The following COX4I1 variants were observed in gnomAD, a reference collection of about 807,000 sequenced individuals.
The protein encoded by COX4I1 is cytochrome c oxidase subunit 4 isoform 1, mitochondrial.
COX4I1 carries 18 observed loss-of-function variants against 21.7 expected under a neutral mutation model. That is an observed-to-expected ratio of 0.83 (90% CI 0.57 to 1.23). The LOEUF is 1.23. COX4I1 is among the 50% of genes most tolerant of loss of function. The pLI is 0.00. For synonymous variants in COX4I1, 100 were observed against 81.5 expected (o/e 1.23, Z -1.23); for missense variants, 238 against 220.7 (o/e 1.08, Z -0.50).
intron 2 of COX4I1, chr16:85,803,376 C>T (rs980363554): frequency 6.6e-6 from 1 of 152,350 alleles, no homozygotes; most frequent in African/African-American, 2.4e-5. Context: ...ATACGACTTG[C>T]TTAAAGCTGA....
rs201890635 is a variant in COX4I1 at position 85,806,734 on chromosome 16, G to A, written c.374-4G>A. On this transcript the variant is annotated splice_polypyrimidine_tract_variant and splice_region_variant and intron_variant, in intron 4 of 4. Coordinates refer to ENST00000253452, the MANE Select transcript of COX4I1 (RefSeq NM_001861.6). ...CTTGCCCCATAACCTGTCTCACACC[G>A]TAGTGTACGGCCCCCTCCCGCAAAG... is the stretch of plus-strand genomic sequence containing the variant. 3.5e-5 allele frequency: 56 copies of A among 1,614,046 alleles called. No homozygotes were observed. The highest frequency in any genetic ancestry group is 6.6e-5 in the South Asian group (6 of 91,070).
chr16:85,806,640 G>A lies in COX4I1; in HGVS notation c.374-98G>A, dbSNP rs1196343172. ...GAGTGGCAGGTGGCTCTGCTGACCT[G>A]GTGGCTGGTGTGTCGGGAGGATTTA... On this transcript the variant is annotated intron_variant, in intron 4 of 4. Transcript: ENST00000253452. The A allele has an allele frequency of 8.8e-6, 14 of 1,596,222 alleles. No individual in the cohort carries two copies. The South Asian group carries it at 1.0e-4, about 11-fold the overall frequency.
At chr16:85,804,728 CTGG>C (rs1187825118) in intron 2 of COX4I1, 5 of 479,978 alleles carry the variant, frequency 1.0e-5, no homozygotes, top group African/African-American at 9.9e-5. Context: ...GCAGTTGCCC[CTGG>C]TGGGTTTTTG....
chr16:85,805,610 T>G, intron 3 of COX4I1, 123 bp from the exon 4 acceptor site: 1 of 1,429,872 alleles, frequency 7.0e-7, no homozygotes, highest in East Asian at 2.3e-5. Flanking sequence ...CCTGGGTTGG[T>G]GTATCCTTCA....
rs376218422 is a variant in COX4I1, at chr16:85,805,087, T to C, written c.224T>C (p.Met75Thr). The change falls in exon 3 of 5, where the codon ATG (methionine) becomes ACG (threonine). Residue 75 changes from methionine (M) to threonine (T), a missense_variant. Transcript: ENST00000253452. The stretch of plus-strand genomic sequence containing the variant: ...AAGGCCTCCTGGAGCAGCCTCTCCA[T>C]GGATGAGAAAGTCGAGTGTGGGTAT... ...KEKASWSSLS[M>T]DEKVELYRIK... 6.2e-7 allele frequency: 1 copy of C among 1,612,692 alleles called. No individual in the cohort carries two copies. The highest frequency in any genetic ancestry group is 1.3e-5 in the African/African-American group (1 of 74,936).
rs745400280 is a variant in COX4I1 at position 85,804,980 on chromosome 16, G to A, written c.117G>A (p.Met39Ile). 3.7e-6 allele frequency: 6 copies of A among 1,614,084 alleles called. No individual in the cohort carries two copies. The South Asian group carries it at 6.6e-5, about 18-fold the overall frequency. The change falls in exon 3 of 5, where the codon ATG becomes ATA. Residue 39 changes from methionine (M) to isoleucine (I), a missense_variant. Coordinates refer to ENST00000253452, the MANE Select transcript of COX4I1 (RefSeq NM_001861.6). ...KSEDFSLPAY[M>I]DRRDHPLPEV... ...AAGACTTTTCGCTCCCAGCTTATAT[G>A]GATCGGCGTGACCACCCCTTGCCGG...
intron 3 of COX4I1, 27 bp from the exon 4 acceptor site, chr16:85,805,706 G>C: frequency 6.2e-7 from 1 of 1,612,386 alleles, no homozygotes; most frequent in Non-Finnish European, 8.5e-7. Flanking sequence ...CTTTGTGCCT[G>C]TAAATGGCTG....
rs900925513 is a variant in COX4I1 at position 85,805,112 on chromosome 16, T to C, written c.241+8T>C. 8 of 1,609,308 alleles carry C rather than the reference T, an allele frequency of 5.0e-6. No individual in the cohort carries two copies. Among genetic ancestry groups the C allele is most frequent in the South Asian group, 2.2e-5 (2 of 90,550 alleles). On this transcript the variant is annotated splice_region_variant and intron_variant, in intron 3 of 4. Coordinates refer to ENST00000253452, the MANE Select transcript of COX4I1 (RefSeq NM_001861.6). ...TGGATGAGAAAGTCGAGTGTGGGTA[T>C]TGAAGGGACCCACAGGCGCGCCCAG... is the stretch of plus-strand genomic sequence containing the variant.
At chr16:85,806,231 C>T in intron 4 of COX4I1, 1 of 592,688 alleles carries the variant, frequency 1.7e-6, no homozygotes, top group Non-Finnish European at 3.0e-6. Flanking sequence ...ACTGTCTGGA[C>T]TGTTGTGAGG....
At chr16:85,800,712 C>G (rs1257384859) in intron 1 of COX4I1, among the ~76,000 whole-genome samples, 1 of 152,152 alleles carries the variant, frequency 6.6e-6, no homozygotes, top group African/African-American at 2.4e-5. Flanking sequence ...CAGTCTCTAC[C>G]TCCCGGGTTC....
In COX4I1 at chr16:85,805,757, G is replaced by A; in HGVS notation, c.266G>A (p.Ser89Asn). 6.2e-7 allele frequency: 1 copy of A among 1,614,254 alleles called. No homozygotes were observed. Among genetic ancestry groups the A allele is most frequent in the Non-Finnish European group, 8.5e-7 (1 of 1,180,052 alleles). Residue 89 changes from serine to asparagine, a missense_variant, in exon 4 of 5, where the codon AGC becomes AAC. Coordinates refer to ENST00000253452, the MANE Select transcript of COX4I1 (RefSeq NM_001861.6). Reference protein sequence around the residue: ...VELYRIKFKESFAEMNRGSNE... With the variant: ...VELYRIKFKENFAEMNRGSNE... ...GTGTATCGCATTAAGTTCAAGGAGA[G>A]CTTTGCTGAGATGAACAGGGGCTCG...
rs756915909 is a variant in COX4I1 at position 85,804,971 on chromosome 16, A to T, written c.108A>T (p.Pro36=). 1 of 1,612,524 alleles carries T rather than the reference A, an allele frequency of 6.2e-7. No homozygotes were observed. The highest frequency in any genetic ancestry group is 1.3e-5 in the African/African-American group (1 of 74,842). Reference sequence around the variant, plus strand: ...TGAAGAGCGAAGACTTTTCGCTCCCAGCTTATATGGATCGGCGTGACCACC... The same window carrying T: ...TGAAGAGCGAAGACTTTTCGCTCCCTGCTTATATGGATCGGCGTGACCACC... ...SVVKSEDFSL[P]AYMDRRDHPL... Residue 36 remains proline (P), a synonymous_variant, in exon 3 of 5, where the codon CCA becomes CCT. Transcript: ENST00000253452.
intron 2 of COX4I1, chr16:85,803,546 G>A (rs959517655): frequency 2.0e-5 from 3 of 152,170 alleles, no homozygotes; most frequent in African/African-American, 7.2e-5. Flanking sequence ...TTCTAACAGT[G>A]GGAAGACTCT....
At chr16:85,801,410 G>T in intron 2 of COX4I1, 132 bp downstream of exon 2, 1 of 628,664 alleles carries the variant, frequency 1.6e-6, no homozygotes, top group South Asian at 2.6e-5. Flanking sequence ...AGATATAAAT[G>T]TTCTCACAGG....
Position 85,805,457 on chromosome 16 carries a change from C to A in COX4I1, c.242-276C>A, listed in dbSNP as rs953392686. On this transcript the variant is annotated intron_variant, in intron 3 of 4. Transcript: ENST00000253452. ...AGAAAAATAACAAGATTAAATAGAC[C>A]CTAATACTGTAATTCAAGTAAGAAA... The A allele has an allele frequency of 3.5e-5, 20 of 568,804 alleles. No individual in the cohort carries two copies. In the African/African-American group the frequency reaches 3.7e-4, roughly 11 times the overall value. 35.2% of individuals were successfully genotyped at this position (568,804 alleles called of 1,614,324 possible).
intron 4 of COX4I1, 169 bp from the exon 5 acceptor site, chr16:85,806,569 T>G (rs1906219982): frequency 1.1e-6 from 1 of 921,720 alleles, no homozygotes; most frequent in Admixed American, 1.9e-5. Flanking sequence ...AATTTTAAAA[T>G]GTCAGTGTTG....
At chr16:85,806,509 C>T (rs756938471) in intron 4 of COX4I1, 2 of 716,484 alleles carry the variant, frequency 2.8e-6, no homozygotes, top group Non-Finnish European at 5.0e-6. Context: ...TTAGAGAGGA[C>T]CTTCTGCTTT....
At chr16:85,806,015 T>G in intron 4 of COX4I1, 151 bp downstream of exon 4, 1 of 1,107,142 alleles carries the variant, frequency 9.0e-7, no homozygotes, top group Non-Finnish European at 1.3e-6. Flanking sequence ...CAGGCCTTGG[T>G]GACCTGGAGA....
In COX4I1 at chr16:85,805,795, A is replaced by T. The variant is rs1167944509; in HGVS notation, c.304A>T (p.Thr102Ser). The T allele has an allele frequency of 6.2e-7, 1 of 1,614,094 alleles. No homozygotes were observed. Among genetic ancestry groups the T allele is most frequent in the African/African-American group, 1.3e-5 (1 of 74,936 alleles). Reference sequence around the variant, plus strand: ...GAACAGGGGCTCGAACGAGTGGAAGACGGTTGTGGGCGGTGCCATGTTCTT... The same window carrying T: ...GAACAGGGGCTCGAACGAGTGGAAGTCGGTTGTGGGCGGTGCCATGTTCTT... ...EMNRGSNEWK[T>S]VVGGAMFFIG... Residue 102 changes from threonine (T) to serine (S), a missense_variant, in exon 4 of 5, where the codon ACG becomes TCG. Thr to Ser is a moderately conservative substitution (Grantham distance 58, BLOSUM62 1). Coordinates refer to ENST00000253452, the MANE Select transcript of COX4I1 (RefSeq NM_001861.6).
Sources: gnomAD v4.1 joint callset for allele counts (sites outside exome capture counted in the v4.1 genomes callset) on GRCh38, gnomAD v4.1.1 for gene constraint, MANE v1.5 for transcripts, NCBI Gene and HGNC (gene_info 2026-07-23, HGNC 2026-07-21) for gene names.